The following DLG2 variants were observed in gnomAD, a reference collection of about 807,000 sequenced individuals.
DLG2 encodes the protein discs large MAGUK scaffold protein 2, also known as disks large homolog 2.
DLG2 carries 45 observed loss-of-function variants against 132.5 expected under a neutral mutation model. That is an observed-to-expected ratio of 0.34 (90% CI 0.27 to 0.44). The LOEUF (loss-of-function observed/expected upper bound fraction) is 0.44, where lower values mean the gene tolerates loss of function less well. Among genes scored for constraint, DLG2 ranks in the 20% least tolerant of loss-of-function variants. The probability of loss-of-function intolerance (pLI) is 1.00; values close to 1 mark genes in which losing one functional copy is unlikely to be tolerated. For missense variants in DLG2, 1,045 were observed against 1,196.9 expected (o/e 0.87, Z 1.87); for synonymous variants, 424 against 419.6 (o/e 1.01, Z -0.13).
At chr11:85,252,142 C>G (rs1397851246) in intron 4 of DLG2, among the ~76,000 whole-genome samples, 1 of 152,114 alleles carries the variant, frequency 6.6e-6, no homozygotes, top group Non-Finnish European at 1.5e-5. Context: ...GGGAAAGGAA[C>G]CCAACTGTGC....
At chr11:84,373,503 G>A (rs10431166) in intron 7 of DLG2, among the ~76,000 whole-genome samples, 5 of 152,026 alleles carry the variant, frequency 3.3e-5, no homozygotes, top group African/African-American at 1.2e-4. Flanking sequence ...CTGGGAAGCA[G>A]AGGTTGCAGT....
rs528147498 is a variant in DLG2, at chr11:84,818,831, C to T, written c.358-284100G>A. On this transcript the variant is annotated intron_variant, in intron 6 of 27. Transcript: ENST00000376104. ...TTGAGTGGCAGACTAATGAATCAAG[C>T]TAAGATCTTCAGCCTCTAAATTCAG... is the stretch of plus-strand genomic sequence containing the variant. Among the ~76,000 whole-genome samples the T allele has an allele frequency of 3.6e-4, 55 of 151,982 alleles. 2 individuals carry two copies. The South Asian group carries it at 0.011, about 30-fold the overall frequency.
intron 6 of DLG2, among the ~76,000 whole-genome samples, chr11:84,743,784 G>T (rs1203499142): frequency 6.6e-6 from 1 of 152,006 alleles, no homozygotes. Context: ...GAGTGCAGTG[G>T]CACGATCTTG....
chr11:83,966,274 T>C (rs1056017878), intron 12 of DLG2, among the ~76,000 whole-genome samples: 2 of 152,032 alleles, frequency 1.3e-5, no homozygotes, highest in African/African-American at 2.4e-5. Flanking sequence ...CATTTCCTTA[T>C]AGCTTCGCCA....
At chr11:84,404,734 G>A (rs2098842735) in intron 7 of DLG2, among the ~76,000 whole-genome samples, 2 of 152,086 alleles carry the variant, frequency 1.3e-5, no homozygotes, top group Non-Finnish European at 2.9e-5. Context: ...ATTAATATGT[G>A]CAAAGGAAAT....
chr11:84,144,252 T>C (rs1241645290), intron 9 of DLG2, among the ~76,000 whole-genome samples: 2 of 152,160 alleles, frequency 1.3e-5, no homozygotes, highest in Admixed American at 1.3e-4. Context: ...TTACGGTCTG[T>C]AGATGTCACC....
At position 85,454,098 on chromosome 11, in the gene DLG2, T is replaced by C. The variant is rs1313305207; in HGVS notation, c.40+144559A>G. On this transcript the variant is annotated intron_variant, in intron 3 of 27. Transcript: ENST00000376104. ...GTTGCTGCAAAGGGAATGATCTCAT[T>C]CTTTTTTATGGTTGCATAGTAATCC... Among the ~76,000 whole-genome samples the C allele has an allele frequency of 2.6e-5, 4 of 151,590 alleles. No homozygotes were observed. In the Admixed American group the frequency reaches 2.6e-4, roughly 10 times the overall value.
intron 6 of DLG2, among the ~76,000 whole-genome samples, chr11:84,859,703 T>C (rs1387445348): frequency 6.6e-6 from 1 of 151,896 alleles, no homozygotes; most frequent in Non-Finnish European, 1.5e-5. Flanking sequence ...TACAAAGTTC[T>C]TCTATAAACT....
At chr11:84,485,855 T>C (rs914653653) in intron 7 of DLG2, among the ~76,000 whole-genome samples, 1 of 152,164 alleles carries the variant, frequency 6.6e-6, no homozygotes, top group Non-Finnish European at 1.5e-5. Context: ...AGTAGCTTAA[T>C]AATACAAAGG....
In DLG2 at chr11:84,120,376, C is replaced by A. The variant is rs182850849; in HGVS notation, c.625-21329G>T. Among the ~76,000 whole-genome samples the A allele has an allele frequency of 4.7e-3, 713 of 152,170 alleles. 3 individuals are homozygous for A. The highest frequency in any genetic ancestry group is 7.5e-3 in the Non-Finnish European group (513 of 67,970). ...CCATTTATTTCTTTTAGCCCCAGGGCAAAAATTTTTAAAAGACAGTGGTTG... is the reference window on the plus strand; with the variant it reads ...CCATTTATTTCTTTTAGCCCCAGGGAAAAAATTTTTAAAAGACAGTGGTTG... On this transcript the variant is annotated intron_variant, in intron 9 of 27. Coordinates refer to ENST00000376104, the MANE Select transcript of DLG2 (RefSeq NM_001142699.3).
intron 7 of DLG2, among the ~76,000 whole-genome samples, chr11:84,289,756 G>C (rs188963328): frequency 1.2e-4 from 19 of 152,258 alleles, no homozygotes; most frequent in African/African-American, 4.6e-4. Context: ...GGGAGAAATA[G>C]TTCTGAAAGA....
chr11:84,657,343 T>A (rs1296898802), intron 6 of DLG2, among the ~76,000 whole-genome samples: 1 of 152,090 alleles, frequency 6.6e-6, no homozygotes, highest in Non-Finnish European at 1.5e-5. Context: ...CAGACAGAAA[T>A]GCTGTAAGGA....
intron 16 of DLG2, among the ~76,000 whole-genome samples, chr11:83,847,097 A>T (rs1389580442): frequency 1.3e-5 from 2 of 152,122 alleles, no homozygotes; most frequent in Non-Finnish European, 2.9e-5. Context: ...TAAGTTAATT[A>T]TAAAAGGAAT....
chr11:84,412,325 C>A (rs2098910527), intron 7 of DLG2, among the ~76,000 whole-genome samples: 2 of 151,740 alleles, frequency 1.3e-5, no homozygotes, highest in African/African-American at 4.8e-5. Flanking sequence ...GTTCAACATA[C>A]CCTGATTGTG....
In DLG2 at chr11:83,725,194, A is replaced by C. The variant is rs1156681689; in HGVS notation, c.1825+61496T>G. Reference sequence around the variant, plus strand: ...CCTCTTTTTCTTTCTCTTCTCAGTTAAAAAGGCTTAGTCCTGGAAAAGTCG... The same window carrying C: ...CCTCTTTTTCTTTCTCTTCTCAGTTCAAAAGGCTTAGTCCTGGAAAAGTCG... On this transcript the variant is annotated intron_variant, in intron 18 of 27. Transcript: ENST00000376104. 17 of 351,122 alleles carry C rather than the reference A, an allele frequency of 4.8e-5. No individual in the cohort carries two copies. In the Admixed American group the frequency reaches 6.8e-4, roughly 14 times the overall value. 21.8% of individuals were successfully genotyped at this position (351,122 alleles called of 1,614,324 possible).
chr11:84,169,516 G>A (rs1045416664), intron 8 of DLG2, among the ~76,000 whole-genome samples: 4 of 152,108 alleles, frequency 2.6e-5, no homozygotes, highest in African/African-American at 9.7e-5. Flanking sequence ...AATCTAAGAT[G>A]CACTGCCTTG....
At chr11:84,465,631 A>G (rs1326083372) in intron 7 of DLG2, among the ~76,000 whole-genome samples, 1 of 151,296 alleles carries the variant, frequency 6.6e-6, no homozygotes, top group Admixed American at 6.6e-5. Flanking sequence ...ATTATAGTAC[A>G]TAGGAAAATT....
intron 15 of DLG2, among the ~76,000 whole-genome samples, chr11:83,924,250 C>T (rs1014565063): frequency 2.6e-5 from 4 of 152,056 alleles, no homozygotes; most frequent in Non-Finnish European, 5.9e-5. Flanking sequence ...TTTGTATTTA[C>T]AGACTTTGAA....
At chr11:85,556,453 T>G (rs1240533045) in intron 3 of DLG2, among the ~76,000 whole-genome samples, 1 of 151,904 alleles carries the variant, frequency 6.6e-6, no homozygotes, top group African/African-American at 2.4e-5. Flanking sequence ...ATAAAGGCAT[T>G]ATATCAAACA....
Sources: gnomAD v4.1 joint callset for allele counts (sites outside exome capture counted in the v4.1 genomes callset) on GRCh38, gnomAD v4.1.1 for gene constraint, MANE v1.5 for transcripts, NCBI Gene and HGNC (gene_info 2026-07-23, HGNC 2026-07-21) for gene names.